Variants in NSMCE2 observed in about 807,000 individuals in gnomAD.
NSMCE2 encodes the protein E3 SUMO-protein ligase NSE2.
A neutral mutation model predicts 23.8 loss-of-function variants in NSMCE2; 24 were observed. That is an observed-to-expected ratio of 1.01 (90% CI 0.73 to 1.42). The LOEUF (loss-of-function observed/expected upper bound fraction) is 1.42. Among genes scored for constraint, NSMCE2 ranks in the 40% most tolerant of loss-of-function variants. NSMCE2 has a pLI of 0.00. For missense variants in NSMCE2, 284 were observed against 296.5 expected, an observed-to-expected ratio of 0.96 and a Z score of 0.31; for synonymous variants, 92 against 94.1, an observed-to-expected ratio of 0.98 and a Z score of 0.13.
At chr8:125,272,390 CACTT>C (rs1827240823) in intron 5 of NSMCE2, among the ~76,000 whole-genome samples, 1 of 151,220 alleles carries the variant, frequency 6.6e-6, no homozygotes, top group South Asian at 2.1e-4. Context: ...TTTGCTTTTT[CACTT>C]ACTTATTCAA....
intron 5 of NSMCE2, among the ~76,000 whole-genome samples, chr8:125,317,027 G>A (rs962622610): frequency 2.0e-5 from 3 of 150,892 alleles, no homozygotes; most frequent in African/African-American, 7.3e-5. Flanking sequence ...ATCTCAAGCA[G>A]TCCACCTGCC....
At chr8:125,163,135 G>C (rs1370388577) in intron 4 of NSMCE2, among the ~76,000 whole-genome samples, 10 of 152,148 alleles carry the variant, frequency 6.6e-5, no homozygotes, top group Non-Finnish European at 4.4e-5. Flanking sequence ...GGGAGGCCGA[G>C]GTGGGAGGAT....
At chr8:125,366,690 C>A in intron 7 of NSMCE2, 78 bp from the exon 8 acceptor site, 1 of 817,978 alleles carries the variant, frequency 1.2e-6, no homozygotes, top group Non-Finnish European at 2.1e-6. Context: ...AAATGCCTTA[C>A]TTAAACACTT....
At chr8:125,356,004 C>T (rs1452772717) in intron 5 of NSMCE2, among the ~76,000 whole-genome samples, 2 of 152,086 alleles carry the variant, frequency 1.3e-5, no homozygotes, top group Admixed American at 1.3e-4. Context: ...TTCAGAGTGT[C>T]CATAAGGTCA....
intron 1 of NSMCE2, among the ~76,000 whole-genome samples, chr8:125,100,704 G>A (rs1818147728): frequency 6.6e-6 from 1 of 152,102 alleles, no homozygotes; most frequent in Admixed American, 6.5e-5. Flanking sequence ...GGGATTACAG[G>A]TGCCCACTAC....
chr8:125,316,937 C>T (rs1264689278), intron 5 of NSMCE2, among the ~76,000 whole-genome samples: 2 of 151,876 alleles, frequency 1.3e-5, no homozygotes, highest in Non-Finnish European at 2.9e-5. Context: ...TGCCACCACA[C>T]CCAGCTGATT....
At chr8:125,275,359 A>G (rs1259565887) in intron 5 of NSMCE2, among the ~76,000 whole-genome samples, 5 of 152,206 alleles carry the variant, frequency 3.3e-5, no homozygotes, top group African/African-American at 9.6e-5. Flanking sequence ...TATTCATTAT[A>G]ATTTGTGGTT....
intron 7 of NSMCE2, among the ~76,000 whole-genome samples, chr8:125,362,690 C>T (rs1050762367): frequency 6.6e-6 from 1 of 152,224 alleles, no homozygotes; most frequent in African/African-American, 2.4e-5. Flanking sequence ...AGGTCTTTCT[C>T]ATTCTTGAGC....
chr8:125,230,451 A>G (rs1027344867), intron 5 of NSMCE2, among the ~76,000 whole-genome samples: 1 of 152,148 alleles, frequency 6.6e-6, no homozygotes, highest in South Asian at 2.1e-4. Flanking sequence ...TCAGCCACCA[A>G]AATCATTATT....
intron 5 of NSMCE2, among the ~76,000 whole-genome samples, chr8:125,248,897 C>A (rs184300068): frequency 3.3e-5 from 5 of 152,004 alleles, no homozygotes; most frequent in African/African-American, 9.6e-5. Flanking sequence ...CAGCCAGGCA[C>A]GGTGGCTCAT....
chr8:125,236,106 A>G (rs928839107), intron 5 of NSMCE2, among the ~76,000 whole-genome samples: 10 of 152,208 alleles, frequency 6.6e-5, no homozygotes, highest in Non-Finnish European at 1.5e-4. Flanking sequence ...ATTAAAGGCT[A>G]AAGTCTGAAG....
At chr8:125,232,187 C>G (rs1262799474) in intron 5 of NSMCE2, among the ~76,000 whole-genome samples, 1 of 151,914 alleles carries the variant, frequency 6.6e-6, no homozygotes, top group Non-Finnish European at 1.5e-5. Context: ...ATGGAGAAAT[C>G]CCGTCTGTAC....
At chr8:125,204,841 C>T (rs1824045776) in intron 5 of NSMCE2, among the ~76,000 whole-genome samples, 1 of 152,162 alleles carries the variant, frequency 6.6e-6, no homozygotes, top group Admixed American at 6.5e-5. Context: ...ATCTTGCTGT[C>T]AGCCTCCTAT....
chr8:125,339,073 G>GGATACAT (rs2131319440), intron 5 of NSMCE2, among the ~76,000 whole-genome samples: 1 of 152,294 alleles, frequency 6.6e-6, no homozygotes, highest in Admixed American at 6.5e-5. Flanking sequence ...CATGGGGAGA[G>GGATACAT]GATACATTTT....
intron 5 of NSMCE2, among the ~76,000 whole-genome samples, chr8:125,217,631 G>C (rs967787841): frequency 6.6e-6 from 1 of 152,140 alleles, no homozygotes; most frequent in Non-Finnish European, 1.5e-5. Context: ...CTCCCAAAGT[G>C]CTGGGATTAC....
chr8:125,295,547 G>C (rs1828288664), intron 5 of NSMCE2, among the ~76,000 whole-genome samples: 1 of 152,130 alleles, frequency 6.6e-6, no homozygotes, highest in East Asian at 1.9e-4. Flanking sequence ...TCTTCATTGG[G>C]CTGCACACCC....
chr8:125,154,990 TACTC>T (rs1277779978), intron 4 of NSMCE2, among the ~76,000 whole-genome samples: 3 of 152,226 alleles, frequency 2.0e-5, no homozygotes, highest in South Asian at 2.1e-4. Flanking sequence ...TTTGAATAAA[TACTC>T]AAATAAATCT....
intron 5 of NSMCE2, among the ~76,000 whole-genome samples, chr8:125,350,998 G>C (rs1459658218): frequency 1.3e-5 from 2 of 152,214 alleles, no homozygotes; most frequent in African/African-American, 2.4e-5. Context: ...AATGAGAGAA[G>C]GGGCTGGATA....
At chr8:125,334,018 C>T (rs1290929472) in intron 5 of NSMCE2, among the ~76,000 whole-genome samples, 2 of 152,122 alleles carry the variant, frequency 1.3e-5, no homozygotes, top group African/African-American at 2.4e-5. Flanking sequence ...CCTGGGTCTG[C>T]CGTGGACTCA....
Sources: allele counts gnomAD v4.1 joint callset (sites outside exome capture counted in the v4.1 genomes callset), GRCh38; gene constraint gnomAD v4.1.1; transcripts MANE v1.5; gene names NCBI Gene and HGNC (gene_info 2026-07-23, HGNC 2026-07-21).